The following EPHB2 variants were observed in gnomAD, a reference collection of about 807,000 sequenced individuals.
The protein encoded by EPHB2 is EPH receptor B2, also known as ephrin type-B receptor 2.
In EPHB2, 18 loss-of-function variants were observed where a neutral mutation model predicts 96.4. The observed-to-expected ratio is 0.19, with a 90% CI of 0.13 to 0.28. The LOEUF (loss-of-function observed/expected upper bound fraction) is 0.28. EPHB2 is among the 10% of genes least tolerant of loss of function. EPHB2 has a pLI of 1.00. For missense variants in EPHB2, 989 were observed against 1,355.4 expected, an observed-to-expected ratio of 0.73 and a Z score of 4.25; for synonymous variants, 506 against 534.1, an observed-to-expected ratio of 0.95 and a Z score of 0.72.
intron 3 of EPHB2, among the ~76,000 whole-genome samples, chr1:22,804,274 G>T (rs1644892563): frequency 6.6e-6 from 1 of 151,906 alleles, no homozygotes; most frequent in Admixed American, 6.6e-5. Context: ...TGCTTAGTGG[G>T]TGGGGGATGG....
rs188405504 is a variant in EPHB2, at chr1:22,889,110, G to A, written c.1429-3774G>A. Among the ~76,000 whole-genome samples, 819 of 152,216 alleles carry A rather than the reference G, an allele frequency of 5.4e-3. 5 individuals are homozygous for A. Among genetic ancestry groups the A allele is most frequent in the Middle Eastern group, 0.02 (6 of 294 alleles). The stretch of plus-strand genomic sequence containing the variant: ...GTCGAGGCTGCAATGGGCCATAATC[G>A]CGCCACTGCACTCCAGCCTGGGTCA... On this transcript the variant is annotated intron_variant, in intron 6 of 15. Transcript: ENST00000374630.
intron 2 of EPHB2, among the ~76,000 whole-genome samples, chr1:22,782,370 C>T (rs1008843422): frequency 1.6e-4 from 24 of 152,182 alleles, no homozygotes; most frequent in Admixed American, 7.2e-4. Flanking sequence ...CTCATCCCCG[C>T]CGTCTCTGGA....
chr1:22,883,512 A>G (rs532411133), intron 6 of EPHB2, among the ~76,000 whole-genome samples: 2 of 152,394 alleles, frequency 1.3e-5, no homozygotes, highest in East Asian at 3.9e-4. Flanking sequence ...CGGGGCTTCC[A>G]TTCAGACTAG....
chr1:22,896,749 C>T (rs1639578587), intron 9 of EPHB2, among the ~76,000 whole-genome samples: 1 of 152,178 alleles, frequency 6.6e-6, no homozygotes, highest in Non-Finnish European at 1.5e-5. Flanking sequence ...CAGCCTTCCC[C>T]GACCCCACCC....
chr1:22,884,277 A>G (rs309480), intron 6 of EPHB2, among the ~76,000 whole-genome samples: 85,669 of 151,910 alleles, frequency 0.56, 25,142 homozygotes, highest in African/African-American at 0.72. Context: ...AGGCTGAGAC[A>G]GGCGGATCAC....
chr1:22,865,766 G>C (rs79717760), intron 5 of EPHB2, among the ~76,000 whole-genome samples: 3 of 152,252 alleles, frequency 2.0e-5, no homozygotes, highest in East Asian at 3.9e-4. Flanking sequence ...GCCTCACTGA[G>C]ACCCAGGAGA....
intron 1 of EPHB2, among the ~76,000 whole-genome samples, chr1:22,720,110 C>T (rs1643417901): frequency 6.6e-6 from 1 of 152,168 alleles, no homozygotes; most frequent in African/African-American, 2.4e-5. Flanking sequence ...CTTTGCTAGT[C>T]TAGACTGCGC....
intron 3 of EPHB2, among the ~76,000 whole-genome samples, chr1:22,825,444 G>A (rs539077377): frequency 1.3e-4 from 20 of 152,326 alleles, no homozygotes; most frequent in African/African-American, 4.3e-4. Flanking sequence ...CTAGATCAGG[G>A]GGTGAGCGGA....
intron 3 of EPHB2, among the ~76,000 whole-genome samples, chr1:22,826,290 A>G (rs1645222952): frequency 6.6e-6 from 1 of 152,172 alleles, no homozygotes; most frequent in African/African-American, 2.4e-5. Flanking sequence ...CTTGGGCTTA[A>G]GGAGTATGTT....
At chr1:22,797,302 AAGTCAGTGGG>A (rs1644780616) in intron 3 of EPHB2, among the ~76,000 whole-genome samples, 1 of 152,178 alleles carries the variant, frequency 6.6e-6, no homozygotes, top group Non-Finnish European at 1.5e-5. Flanking sequence ...CCATGTTGCC[AAGTCAGTGGG>A]AGACATGGAC....
chr1:22,808,303 G>A (rs74061031), intron 3 of EPHB2, among the ~76,000 whole-genome samples: 8,219 of 152,252 alleles, frequency 0.054, 651 homozygotes, highest in African/African-American at 0.18. Flanking sequence ...AACCATGACT[G>A]TGCTCACTCT....
intron 3 of EPHB2, among the ~76,000 whole-genome samples, chr1:22,794,914 G>C (rs936709259): frequency 6.6e-6 from 1 of 152,234 alleles, no homozygotes; most frequent in Non-Finnish European, 1.5e-5. Flanking sequence ...TGGCAAGAGA[G>C]GCCCGTTGAT....
At chr1:22,835,143 C>T (rs1645361316) in intron 3 of EPHB2, among the ~76,000 whole-genome samples, 1 of 152,012 alleles carries the variant, frequency 6.6e-6, no homozygotes, top group Non-Finnish European at 1.5e-5. Context: ...CTTTGGGAGG[C>T]CAAGGCAGGC....
In EPHB2 at chr1:22,906,277, T is replaced by C. The variant is rs577838636; in HGVS notation, c.1888+168T>C. Among the ~76,000 whole-genome samples the C allele has an allele frequency of 6.6e-6, 1 of 152,138 alleles. No individual in the cohort carries two copies. The highest frequency in any genetic ancestry group is 6.5e-5 in the Admixed American group (1 of 15,282). Reference sequence around the variant, plus strand: ...ATGAAAGAAGGGCCCTCAAAGGTCATCCAGTAAAACCACCTCACTGACAAA... The same window carrying C: ...ATGAAAGAAGGGCCCTCAAAGGTCACCCAGTAAAACCACCTCACTGACAAA... On this transcript the variant is annotated intron_variant, in intron 10 of 15. Coordinates refer to ENST00000374630, the MANE Select transcript of EPHB2 (RefSeq NM_017449.5). This position sits in a 1 kb window ranked among gnomAD's most constrained non-coding sequence, Gnocchi z 4.8.
intron 1 of EPHB2, among the ~76,000 whole-genome samples, chr1:22,755,813 A>G (rs1644140877): frequency 6.6e-6 from 1 of 152,152 alleles, no homozygotes; most frequent in African/African-American, 2.4e-5. Flanking sequence ...TGCCAGTCAT[A>G]CTATTATTAT....
intron 1 of EPHB2, among the ~76,000 whole-genome samples, chr1:22,726,374 T>G (rs907017630): frequency 6.6e-6 from 1 of 152,100 alleles, no homozygotes; most frequent in Non-Finnish European, 1.5e-5. Context: ...TCTGACATAC[T>G]CTAATTTATC....
rs746756760 is a variant in EPHB2 at position 22,910,436 on chromosome 1, A to G, written c.2557A>G (p.Ser853Gly). The stretch of plus-strand genomic sequence containing the variant: ...GCTGCCACCGCCCATGGACTGCCCG[A>G]GCGCCCTGCACCAACTCATGCTGGA... ...YRLPPPMDCP[S>G]ALHQLMLDCW... The change falls in exon 14 of 16, where the codon AGC (serine) becomes GGC (glycine). Residue 853 changes from serine (S) to glycine (G), a missense_variant. Transcript: ENST00000374630. The G allele has an allele frequency of 6.2e-7, 1 of 1,614,064 alleles. No homozygotes were observed. Among genetic ancestry groups the G allele is most frequent in the Non-Finnish European group, 8.5e-7 (1 of 1,180,030 alleles).
At chr1:22,731,278 C>T (rs1315316350) in intron 1 of EPHB2, among the ~76,000 whole-genome samples, 1 of 152,150 alleles carries the variant, frequency 6.6e-6, no homozygotes, top group African/African-American at 2.4e-5. Flanking sequence ...GGCCCGGGCC[C>T]AAATCCACCC....
chr1:22,819,469 G>C (rs1645122786), intron 3 of EPHB2, among the ~76,000 whole-genome samples: 1 of 152,114 alleles, frequency 6.6e-6, no homozygotes, highest in Non-Finnish European at 1.5e-5. Flanking sequence ...CTTGGGACCT[G>C]CCATCTGCAT....
Sources: gnomAD v4.1 joint callset for allele counts (sites outside exome capture counted in the v4.1 genomes callset) on GRCh38, gnomAD v4.1.1 for gene constraint, Gnocchi (gnomAD v3.1) non-coding constraint, MANE v1.5 for transcripts, NCBI Gene and HGNC (gene_info 2026-07-23, HGNC 2026-07-21) for gene names.